DAB2: variants seen among roughly 807,000 people sequenced by gnomAD.
DAB2 encodes the protein disabled homolog 2.
DAB2 carries 28 observed loss-of-function variants against 71.6 expected under a neutral mutation model. That is an observed-to-expected ratio of 0.39 (90% CI 0.29 to 0.54). DAB2 has a LOEUF of 0.54. DAB2 is among the 20% of genes least tolerant of loss of function. DAB2 has a pLI of 0.68. For missense variants in DAB2, 867 were observed against 928.8 expected (o/e 0.93, Z 0.86); for synonymous variants, 345 against 339.7 (o/e 1.02, Z -0.17).
In DAB2 at chr5:39,383,086, A is replaced by T; in HGVS notation, c.873T>A (p.Asn291Lys). Residue 291 changes from asparagine (N) to lysine (K), a missense_variant, in exon 10 of 15, where the codon AAT becomes AAA. Asn to Lys is a moderately conservative substitution (Grantham distance 94). Coordinates refer to ENST00000320816, the MANE Select transcript of DAB2 (RefSeq NM_001343.4). ...SANLNFFPTP[N>K]PDPFRDDPFT... ...AAGGATCGTCACGGAAAGGATCAGGATTAGGGGTGGGAAAGAAGTTGAGAT... is the reference window on the plus strand; with the variant it reads ...AAGGATCGTCACGGAAAGGATCAGGTTTAGGGGTGGGAAAGAAGTTGAGAT... The T allele has an allele frequency of 6.2e-7, 1 of 1,614,146 alleles. No individual in the cohort carries two copies. Among genetic ancestry groups the T allele is most frequent in the Non-Finnish European group, 8.5e-7 (1 of 1,180,022 alleles).
rs1303975256 is a variant in DAB2 at position 39,377,068 on chromosome 5, C to A, written c.1719G>T (p.Trp573Cys). Residue 573 changes from tryptophan (W) to cysteine (C), a missense_variant, in exon 12 of 15, where the codon TGG (tryptophan) becomes TGT (cysteine). Physicochemically the swap from Trp to Cys is radical, Grantham distance 215 (BLOSUM62 -2). This residue lies in a region of DAB2 where 740 missense variants were observed against 734.3 expected (regional missense o/e 1.01). Transcript: ENST00000320816. The stretch of plus-strand genomic sequence containing the variant: ...TGGGTGCCACAGATGCAGAAGGGCC[C>A]CAGACAACAGGCACTGGAGGGGGAG... ...ASTPPPVPVV[W>C]GPSASVAPNA... is the part of the protein sequence containing the mutation. 2 of 1,614,060 alleles carry A rather than the reference C, an allele frequency of 1.2e-6. No individual in the cohort carries two copies. Among genetic ancestry groups the A allele is most frequent in the Non-Finnish European group, 1.7e-6 (2 of 1,180,024 alleles).
intron 1 of DAB2, among the ~76,000 whole-genome samples, chr5:39,395,460 G>A (rs1320945495): frequency 3.9e-5 from 6 of 152,100 alleles, no homozygotes; most frequent in African/African-American, 1.2e-4. Context: ...CACCACATGG[G>A]AATAACTGTC....
chr5:39,381,510 G>A lies in DAB2; in HGVS notation c.1448C>T (p.Pro483Leu). 1 of 1,614,148 alleles carries A rather than the reference G, an allele frequency of 6.2e-7. No homozygotes were observed. The highest frequency in any genetic ancestry group is 8.5e-7 in the Non-Finnish European group (1 of 1,179,996). ...TGQPTALQPN[P>L]LDLFKTSAPA... ...AGCACTTGTTTTGAAGAGATCCAGAGGGTTGGGCTGCAGGGCTGTAGGTTG... is the reference window on the plus strand; with the variant it reads ...AGCACTTGTTTTGAAGAGATCCAGAAGGTTGGGCTGCAGGGCTGTAGGTTG... Residue 483 changes from proline to leucine, a missense_variant, in exon 11 of 15, where the codon CCT becomes CTT. By Grantham distance (98) the Pro-to-Leu change is moderately conservative. This residue lies in a region of DAB2 where 740 missense variants were observed against 734.3 expected (regional missense o/e 1.01). Coordinates refer to ENST00000320816, the MANE Select transcript of DAB2 (RefSeq NM_001343.4).
intron 13 of DAB2, 51 bp from the exon 14 acceptor site, chr5:39,375,135 A>T: frequency 7.2e-7 from 1 of 1,392,840 alleles, no homozygotes; most frequent in Non-Finnish European, 1.0e-6. Flanking sequence ...GTCATAAGAA[A>T]AAAATCGCAA....
chr5:39,394,266 C>A lies in DAB2; in HGVS notation c.55G>T (p.Ala19Ser), dbSNP rs781341846. 4.3e-6 allele frequency: 7 copies of A among 1,613,936 alleles called. No homozygotes were observed. Among genetic ancestry groups the A allele is most frequent in the Non-Finnish European group, 5.9e-6 (7 of 1,179,984 alleles). The change falls in exon 2 of 15, where the codon GCA becomes TCA. Residue 19 changes from alanine to serine, a missense_variant. By Grantham distance (99) the Ala-to-Ser change is moderately conservative. This residue lies in a region of DAB2 where 127 missense variants were observed against 194.4 expected (regional missense o/e 0.65). Coordinates refer to ENST00000320816, the MANE Select transcript of DAB2 (RefSeq NM_001343.4). ...TCCTTCTTTGAGGGTGCTTTTGGTG[C>A]GGCCTGTTGGTCGGGCTGACCATTG... ...ATNGQPDQQA[A>S]PKAPSKKEKK...
chr5:39,398,091 A>T (rs1419566646), intron 1 of DAB2, among the ~76,000 whole-genome samples: 1 of 152,226 alleles, frequency 6.6e-6, no homozygotes, highest in Non-Finnish European at 1.5e-5. Context: ...GCCGGATATC[A>T]TACTTCACTG....
intron 1 of DAB2, among the ~76,000 whole-genome samples, chr5:39,395,577 G>A (rs1755342282): frequency 6.6e-6 from 1 of 152,066 alleles, no homozygotes; most frequent in Admixed American, 6.5e-5. Flanking sequence ...TTTTCATAGG[G>A]GTCAGTACTT....
In DAB2 at chr5:39,422,142, C is replaced by G. The variant is rs1274662120; in HGVS notation, c.-102+2662G>C. Among the ~76,000 whole-genome samples, 3 of 152,158 alleles carry G rather than the reference C, an allele frequency of 2.0e-5. No homozygotes were observed. Among genetic ancestry groups the G allele is most frequent in the Admixed American group, 2.0e-4 (3 of 15,280 alleles). On this transcript the variant is annotated intron_variant, in intron 1 of 14. Transcript: ENST00000320816. This position sits in a 1 kb window ranked among gnomAD's most constrained non-coding sequence, Gnocchi z 4.1. Reference sequence around the variant, plus strand: ...GATTTTGGCCAACCTTTGTGCAATTCAGCGGCACAGCTTCAACTTTGGAAT... The same window carrying G: ...GATTTTGGCCAACCTTTGTGCAATTGAGCGGCACAGCTTCAACTTTGGAAT...
intron 1 of DAB2, among the ~76,000 whole-genome samples, chr5:39,400,965 GA>G (rs1415655031): frequency 1.3e-5 from 2 of 152,224 alleles, no homozygotes; most frequent in Non-Finnish European, 2.9e-5. Flanking sequence ...CGGGGTCCAA[GA>G]GGGCAGCAAA....
chr5:39,387,789 G>A (rs1419127215), intron 9 of DAB2: 3 of 150,424 alleles, frequency 2.0e-5, no homozygotes, highest in African/African-American at 7.4e-5. Flanking sequence ...ATTCAATATT[G>A]AGCAGACTGG....
At chr5:39,385,551 C>T (rs911892494) in intron 9 of DAB2, 2 of 152,266 alleles carry the variant, frequency 1.3e-5, no homozygotes, top group Non-Finnish European at 2.9e-5. Context: ...TTGGTCAGCG[C>T]CTCATTCATT....
chr5:39,416,361 G>C (rs1007950831), intron 1 of DAB2, among the ~76,000 whole-genome samples: 3 of 152,104 alleles, frequency 2.0e-5, no homozygotes, highest in Non-Finnish European at 2.9e-5. Context: ...GGTTGTAACT[G>C]ATCTCCCTTT....
chr5:39,398,342 T>C (rs1755419982), intron 1 of DAB2, among the ~76,000 whole-genome samples: 1 of 152,170 alleles, frequency 6.6e-6, no homozygotes. Context: ...GTGAGTGGCA[T>C]TACCTTGCTG....
intron 1 of DAB2, among the ~76,000 whole-genome samples, chr5:39,396,332 C>T (rs147705732): frequency 3.9e-5 from 6 of 152,334 alleles, no homozygotes; most frequent in African/African-American, 1.4e-4. Flanking sequence ...AGCTGAGAAG[C>T]TGTATTCCAG....
intron 1 of DAB2, among the ~76,000 whole-genome samples, chr5:39,411,693 T>G (rs1270478139): frequency 1.3e-5 from 2 of 152,190 alleles, no homozygotes; most frequent in African/African-American, 4.8e-5. Context: ...AAAGCCACTA[T>G]TAAGTTCCTA....
At chr5:39,401,881 T>A (rs866042622) in intron 1 of DAB2, among the ~76,000 whole-genome samples, 1 of 151,998 alleles carries the variant, frequency 6.6e-6, no homozygotes, top group Non-Finnish European at 1.5e-5. Context: ...GCCTCCCAAG[T>A]AGCTGGGACT....
At chr5:39,384,233 G>C (rs558158768) in intron 9 of DAB2, among the ~76,000 whole-genome samples, 15 of 152,278 alleles carry the variant, frequency 9.9e-5, no homozygotes, top group African/African-American at 3.6e-4. Flanking sequence ...GCCCACAGTG[G>C]ATGTCTGAAA....
chr5:39,384,475 A>C (rs1755051458), intron 9 of DAB2, among the ~76,000 whole-genome samples: 2 of 152,224 alleles, frequency 1.3e-5, no homozygotes, highest in Non-Finnish European at 2.9e-5. Flanking sequence ...CCACAGACTT[A>C]ATTTCAGAAA....
intron 1 of DAB2, among the ~76,000 whole-genome samples, chr5:39,403,277 A>G (rs1270352): frequency 2.0e-5 from 3 of 152,204 alleles, no homozygotes; most frequent in Admixed American, 1.3e-4. Context: ...TGGAGGGGAC[A>G]AAGCTGGCAC....
Sources: allele counts gnomAD v4.1 joint callset (sites outside exome capture counted in the v4.1 genomes callset), GRCh38; gene constraint gnomAD v4.1.1; regional missense constraint gnomAD v4.1.1; non-coding constraint Gnocchi (gnomAD v3.1); transcripts MANE v1.5; gene names NCBI Gene and HGNC (gene_info 2026-07-23, HGNC 2026-07-21).